Variants in PTPRD observed in about 807,000 individuals in gnomAD.
The protein encoded by PTPRD is protein tyrosine phosphatase receptor type D.
PTPRD carries 34 observed loss-of-function variants against 214.5 expected under a neutral mutation model. The observed-to-expected ratio is 0.16, with a 90% CI of 0.12 to 0.21. The LOEUF (loss-of-function observed/expected upper bound fraction) is 0.21. Ranked by LOEUF, PTPRD falls within the 10% of genes least tolerant of loss-of-function variation. The pLI is 1.00. For synonymous variants in PTPRD, 1,128 were observed against 845.7 expected (o/e 1.33, Z -5.79); for missense variants, 2,545 against 2,398.7 (o/e 1.06, Z -1.27).
At chr9:9,980,712 G>GAA (rs71321205) in intron 4 of PTPRD, among the ~76,000 whole-genome samples, 27 of 143,656 alleles carry the variant, frequency 1.9e-4, no homozygotes, top group Admixed American at 4.2e-4. Flanking sequence ...GGGTGATACA[G>GAA]AAAAAAAAAT....
At chr9:9,047,223 A>T (rs1233994221) in intron 10 of PTPRD, among the ~76,000 whole-genome samples, 1 of 152,082 alleles carries the variant, frequency 6.6e-6, no homozygotes, top group Admixed American at 6.6e-5. Context: ...TATAATGAAA[A>T]CTATAAAACA....
intron 3 of PTPRD, among the ~76,000 whole-genome samples, chr9:10,177,326 G>A (rs748626606): frequency 7.9e-5 from 12 of 151,598 alleles, no homozygotes; most frequent in Non-Finnish European, 1.6e-4. Context: ...ATCCAGAGTG[G>A]CACAGATGAA....
chr9:10,147,520 T>C (rs868681748), intron 3 of PTPRD, among the ~76,000 whole-genome samples: 1 of 152,098 alleles, frequency 6.6e-6, no homozygotes, highest in African/African-American at 2.4e-5. Flanking sequence ...ACTCCACTAG[T>C]CAAAATTTAA....
intron 3 of PTPRD, among the ~76,000 whole-genome samples, chr9:10,208,273 G>C (rs2099494529): frequency 1.3e-5 from 2 of 152,208 alleles, no homozygotes; most frequent in South Asian, 2.1e-4. Flanking sequence ...CCAGCACTTT[G>C]GGTGGCCGAG....
At chr9:10,608,900 A>C (rs1468717199) in intron 2 of PTPRD, among the ~76,000 whole-genome samples, 2 of 152,146 alleles carry the variant, frequency 1.3e-5, no homozygotes, top group Admixed American at 1.3e-4. Context: ...TACGGATGCC[A>C]AATGCTTTTG....
At chr9:9,294,319 A>G (rs181836579) in intron 9 of PTPRD, among the ~76,000 whole-genome samples, 72 of 151,874 alleles carry the variant, frequency 4.7e-4, no homozygotes, top group Non-Finnish European at 9.4e-4. Context: ...ACCTGTGTAT[A>G]TACACATACC....
Position 10,216,961 on chromosome 9 carries a change from G to C in PTPRD, c.-545+124002C>G, listed in dbSNP as rs77886407. Among the ~76,000 whole-genome samples the C allele has an allele frequency of 2.4e-3, 369 of 152,062 alleles. 4 individuals carry two copies. Among genetic ancestry groups the C allele is most frequent in the African/African-American group, 7.1e-3 (295 of 41,490 alleles). On this transcript the variant is annotated intron_variant, in intron 3 of 45. Transcript: ENST00000381196. Reference sequence around the variant, plus strand: ...CCACTAGTCAAAAAATGAAAATCCAGAACATATTCATTATATGGTTATTTC... The same window carrying C: ...CCACTAGTCAAAAAATGAAAATCCACAACATATTCATTATATGGTTATTTC...
At chr9:8,455,613 TA>T (rs1243445485) in intron 33 of PTPRD, among the ~76,000 whole-genome samples, 1 of 152,170 alleles carries the variant, frequency 6.6e-6, no homozygotes, top group Middle Eastern at 3.2e-3. Flanking sequence ...TTTTCAAAAA[TA>T]AAAAAATCCA....
At chr9:10,481,315 C>G (rs1373205816) in intron 2 of PTPRD, among the ~76,000 whole-genome samples, 1 of 151,190 alleles carries the variant, frequency 6.6e-6, no homozygotes. Flanking sequence ...AAAAGTAAAA[C>G]AAAACAAAAC....
At chr9:9,178,153 T>A (rs2099926048) in intron 10 of PTPRD, among the ~76,000 whole-genome samples, 1 of 151,958 alleles carries the variant, frequency 6.6e-6, no homozygotes, top group Admixed American at 6.6e-5. Context: ...AAAGTGAGGT[T>A]TATGCTTAGT....
chr9:8,990,596 G>A (rs1034816834), intron 11 of PTPRD, among the ~76,000 whole-genome samples: 1 of 152,240 alleles, frequency 6.6e-6, no homozygotes, highest in East Asian at 1.9e-4. Context: ...TCCCTCAGGT[G>A]AGTCATAGAA....
chr9:10,149,530 T>A (rs936979035), intron 3 of PTPRD, among the ~76,000 whole-genome samples: 1 of 152,148 alleles, frequency 6.6e-6, no homozygotes, highest in African/African-American at 2.4e-5. Flanking sequence ...CGTGCCTCCG[T>A]CCTCTACCTG....
At chr9:8,885,658 G>A (rs1226649302) in intron 11 of PTPRD, among the ~76,000 whole-genome samples, 6 of 151,550 alleles carry the variant, frequency 4.0e-5, no homozygotes, top group Admixed American at 6.6e-5. Context: ...CACCACACCC[G>A]GTTAATTTTT....
At chr9:10,482,168 G>C (rs1038753671) in intron 2 of PTPRD, among the ~76,000 whole-genome samples, 2 of 151,990 alleles carry the variant, frequency 1.3e-5, no homozygotes, top group Non-Finnish European at 1.5e-5. Context: ...TCAGGAGATT[G>C]AGACCAGCCC....
At chr9:9,034,042 T>A (rs938177785) in intron 10 of PTPRD, among the ~76,000 whole-genome samples, 3 of 152,100 alleles carry the variant, frequency 2.0e-5, no homozygotes, top group African/African-American at 7.2e-5. Context: ...AGAAATAAAC[T>A]TGAAAGGCTT....
intron 10 of PTPRD, among the ~76,000 whole-genome samples, chr9:9,026,798 C>A (rs943388932): frequency 1.3e-5 from 2 of 151,796 alleles, no homozygotes; most frequent in African/African-American, 4.8e-5. Context: ...TAACAAACAC[C>A]TTTATAGCTT....
At chr9:10,344,150 T>C (rs1213552148) in intron 2 of PTPRD, among the ~76,000 whole-genome samples, 1 of 151,864 alleles carries the variant, frequency 6.6e-6, no homozygotes, top group Non-Finnish European at 1.5e-5. Context: ...TCTAGGGTTT[T>C]TATGGTTTTA....
At chr9:8,563,153 C>A (rs1191280188) in intron 14 of PTPRD, among the ~76,000 whole-genome samples, 1 of 151,880 alleles carries the variant, frequency 6.6e-6, no homozygotes. Flanking sequence ...TTGTAGGATC[C>A]CATTTATATA....
chr9:10,159,561 G>C (rs1418285940), intron 3 of PTPRD, among the ~76,000 whole-genome samples: 1 of 151,904 alleles, frequency 6.6e-6, no homozygotes, highest in African/African-American at 2.4e-5. Context: ...TGAACTCCTT[G>C]ATAAATAATT....
Sources: gnomAD v4.1 joint callset for allele counts (sites outside exome capture counted in the v4.1 genomes callset) on GRCh38, gnomAD v4.1.1 for gene constraint, MANE v1.5 for transcripts, NCBI Gene and HGNC (gene_info 2026-07-23, HGNC 2026-07-21) for gene names.